PUM3: variants seen among roughly 807,000 people sequenced by gnomAD.
PUM3 encodes pumilio homolog 3.
A neutral mutation model predicts 84.0 loss-of-function variants in PUM3; 91 were observed. The ratio of observed to expected loss-of-function variants is 1.08; its 90% CI spans 0.91 to 1.29. The LOEUF (loss-of-function observed/expected upper bound fraction) is 1.29. Ranked by LOEUF, PUM3 falls within the 50% of genes most tolerant of loss-of-function variation. The pLI is 0.00. For synonymous variants in PUM3, 321 were observed against 266.7 expected (o/e 1.20, Z -1.98); for missense variants, 1,067 against 767.5 (o/e 1.39, Z -4.61).
intron 13 of PUM3, among the ~76,000 whole-genome samples, chr9:2,817,393 AAAAC>A (rs1821494161): frequency 6.6e-6 from 1 of 152,240 alleles, no homozygotes; most frequent in Admixed American, 6.5e-5. Context: ...TTAAAAAACA[AAAAC>A]AAAATGCACA....
chr9:2,827,421 T>A lies in PUM3; in HGVS notation c.957-270A>T, dbSNP rs551488153. On this transcript the variant is annotated intron_variant, in intron 9 of 17. Transcript: ENST00000397885. Reference sequence around the variant, plus strand: ...AAACATAAAATCAACATTTGAAATATGCTCTGCTCTATTAAATAAGGACAT... The same window carrying A: ...AAACATAAAATCAACATTTGAAATAAGCTCTGCTCTATTAAATAAGGACAT... Among the ~76,000 whole-genome samples the A allele has an allele frequency of 5.9e-5, 9 of 152,354 alleles. No homozygotes were observed. In the South Asian group the frequency reaches 1.7e-3, roughly 28 times the overall value.
chr9:2,843,750 T>TTTTAGTAGTAAA (rs1816331073), intron 1 of PUM3, among the ~76,000 whole-genome samples: 1 of 151,706 alleles, frequency 6.6e-6, no homozygotes, highest in Non-Finnish European at 1.5e-5. Context: ...GGCTAATTTT[T>TTTTAGTAGTAAA]TGTAGTTTTA....
chr9:2,811,670 A>C, intron 14 of PUM3, 87 bp from the exon 15 acceptor site: 1 of 884,314 alleles, frequency 1.1e-6, no homozygotes, highest in Admixed American at 2.0e-5. Context: ...CTAAGAGCTT[A>C]TCACAGACTG....
At chr9:2,806,332 G>A (rs1432539397) in intron 17 of PUM3, among the ~76,000 whole-genome samples, 7 of 152,148 alleles carry the variant, frequency 4.6e-5, no homozygotes, top group African/African-American at 1.7e-4. Flanking sequence ...AAGCAGAAAT[G>A]AACAAAATGA....
At chr9:2,820,250 T>TAA (rs1821562019) in intron 12 of PUM3, 152 bp from the exon 13 acceptor site, 1 of 510,104 alleles carries the variant, frequency 2.0e-6, no homozygotes, top group Non-Finnish European at 3.5e-6. Flanking sequence ...TTGTCTAACA[T>TAA]AACAAGATGA....
At chr9:2,834,388 G>C (rs1233018172) in intron 3 of PUM3, among the ~76,000 whole-genome samples, 1 of 152,026 alleles carries the variant, frequency 6.6e-6, no homozygotes, top group Non-Finnish European at 1.5e-5. Context: ...CTTCTAACAG[G>C]ATACCTATTA....
At position 2,804,302 on chromosome 9, in the gene PUM3, C is replaced by A; in HGVS notation, c.*29G>T. The A allele has an allele frequency of 6.2e-7, 1 of 1,603,532 alleles. No homozygotes were observed. Among genetic ancestry groups the A allele is most frequent in the South Asian group, 1.1e-5 (1 of 89,210 alleles). ...AAACAGAACAGAGAACAGAAAAAAT[C>A]ATTCCATCTTGCTCTTAACTCTTTC... On this transcript the variant is annotated 3_prime_UTR_variant, in exon 18 of 18. Transcript: ENST00000397885.
chr9:2,834,126 C>G lies in PUM3; in HGVS notation c.345G>C (p.Lys115Asn), dbSNP rs1455542440. 6.0e-5 allele frequency: 96 copies of G among 1,613,372 alleles called. No homozygotes were observed. The highest frequency in any genetic ancestry group is 8.0e-5 in the Non-Finnish European group (94 of 1,179,670). The change falls in exon 4 of 18, where the codon AAG becomes AAC. Residue 115 changes from lysine to asparagine, a missense_variant. Lys to Asn is a moderately conservative substitution (Grantham distance 94). Transcript: ENST00000397885. ...TGCTTTGCTTCAGTTCTTTCTTCTT[C>G]TTTTTGAAGTCATCCCATTTGGGCT... ...AKKPKWDDFK[K>N]KKKELKQSRQ...
chr9:2,830,878 T>A, intron 7 of PUM3, 84 bp downstream of exon 7: 1 of 715,922 alleles, frequency 1.4e-6, no homozygotes, highest in East Asian at 2.7e-5. Flanking sequence ...GACCACAGAC[T>A]TCCTATCTCG....
At chr9:2,828,403 T>C (rs1255702894) in intron 9 of PUM3, 1 of 340,592 alleles carries the variant, frequency 2.9e-6, no homozygotes, top group African/African-American at 2.2e-5. Context: ...GGCTTCCATG[T>C]AACATTTTAT....
intron 11 of PUM3, 135 bp from the exon 12 acceptor site, chr9:2,823,969 T>C (rs1391053562): frequency 3.9e-6 from 2 of 509,890 alleles, no homozygotes; most frequent in Non-Finnish European, 6.9e-6. Context: ...ATAATAGTTA[T>C]ACAGCCAGAA....
chr9:2,808,524 T>C (rs1191293382), intron 16 of PUM3, among the ~76,000 whole-genome samples: 1 of 152,242 alleles, frequency 6.6e-6, no homozygotes, highest in African/African-American at 2.4e-5. Flanking sequence ...AAGGAGAAAT[T>C]CTGATAGCTA....
chr9:2,824,743 G>A lies in PUM3; in HGVS notation c.1108C>T (p.His370Tyr). ...HTHDGARVAM[H>Y]CLWHGTPKDR... The stretch of plus-strand genomic sequence containing the variant: ...TTGGGCGTGCCATGCCACAGGCAGT[G>A]CATGGCCACTCTGGCGCCATCGTGT... The change falls in exon 11 of 18, where the codon CAC (histidine) becomes TAC (tyrosine). Residue 370 changes from histidine to tyrosine, a missense_variant. By Grantham distance (83) the His-to-Tyr change is moderately conservative (BLOSUM62 2). Transcript: ENST00000397885. The A allele has an allele frequency of 1.3e-6, 2 of 1,581,620 alleles. No homozygotes were observed. Among genetic ancestry groups the A allele is most frequent in the Non-Finnish European group, 1.7e-6 (2 of 1,159,252 alleles).
chr9:2,824,398 T>G (rs965458098), intron 11 of PUM3, among the ~76,000 whole-genome samples: 1 of 152,172 alleles, frequency 6.6e-6, no homozygotes, highest in African/African-American at 2.4e-5. Flanking sequence ...CCTGCCACAG[T>G]ATGATCATTA....
intron 13 of PUM3, among the ~76,000 whole-genome samples, chr9:2,819,584 A>G (rs1010296104): frequency 2.0e-5 from 3 of 152,218 alleles, no homozygotes; most frequent in Non-Finnish European, 4.4e-5. Flanking sequence ...TGCAGAGGTA[A>G]TTATTTCTCC....
chr9:2,813,119 G>A (rs1821404611), intron 13 of PUM3, among the ~76,000 whole-genome samples: 1 of 152,176 alleles, frequency 6.6e-6, no homozygotes, highest in Admixed American at 6.5e-5. Flanking sequence ...CCTCGACTAA[G>A]CAGTTACAAA....
intron 10 of PUM3, among the ~76,000 whole-genome samples, chr9:2,826,356 C>G (rs1815819840): frequency 2.0e-5 from 3 of 152,182 alleles, no homozygotes; most frequent in Admixed American, 2.0e-4. Flanking sequence ...GAAGGTGCTG[C>G]TATGGTCATC....
At chr9:2,834,459 A>T (rs947920842) in intron 3 of PUM3, among the ~76,000 whole-genome samples, 1 of 152,240 alleles carries the variant, frequency 6.6e-6, no homozygotes, top group Non-Finnish European at 1.5e-5. Flanking sequence ...ATCTTTTTCA[A>T]TTGTGAAATA....
rs1186150626 is a variant in PUM3 at position 2,838,443 on chromosome 9, C to T, written c.65G>A (p.Arg22Lys). 6.2e-7 allele frequency: 1 copy of T among 1,611,384 alleles called. No individual in the cohort carries two copies. Among genetic ancestry groups the T allele is most frequent in the Non-Finnish European group, 8.5e-7 (1 of 1,177,616 alleles). Residue 22 changes from arginine to lysine, a missense_variant, in exon 2 of 18, where the codon AGA becomes AAA. Coordinates refer to ENST00000397885, the MANE Select transcript of PUM3 (RefSeq NM_014878.5). ...KSTKTAQEKN[R>K]FHKNSDSGSS... Reference sequence around the variant, plus strand: ...TATCTTACCACTATTTTTATGAAATCTGTTTTTTTCTTGTGCTGTCTTTGT... The same window carrying T: ...TATCTTACCACTATTTTTATGAAATTTGTTTTTTTCTTGTGCTGTCTTTGT...
Sources: gnomAD v4.1 joint callset for allele counts (sites outside exome capture counted in the v4.1 genomes callset) on GRCh38, gnomAD v4.1.1 for gene constraint, MANE v1.5 for transcripts, NCBI Gene and HGNC (gene_info 2026-07-23, HGNC 2026-07-21) for gene names.